ZNF563: variants seen among roughly 807,000 people sequenced by gnomAD.
ZNF563 encodes the protein zinc finger protein 563.
In ZNF563, 39 loss-of-function variants were observed where a neutral mutation model predicts 48.5. The ratio of observed to expected loss-of-function variants is 0.80; its 90% CI spans 0.62 to 1.05. The LOEUF is 1.05. ZNF563 is among the 50% of genes least tolerant of loss of function. The pLI, the probability that ZNF563 is intolerant of heterozygous loss-of-function variation, is 0.00. For missense variants in ZNF563, 538 were observed against 597.0 expected, an observed-to-expected ratio of 0.90 and a Z score of 1.03; for synonymous variants, 168 against 187.9, an observed-to-expected ratio of 0.89 and a Z score of 0.87.
chr19:12,341,128 G>A, the ZNF563 span, among the ~76,000 whole-genome samples: 7,520 of 152,230 alleles, frequency 0.049, 613 homozygotes, highest in African/African-American at 0.17. Flanking sequence ...TTGGCTCACC[G>A]TAGCCTCGAC....
At chr19:12,331,030 C>T (rs111961852) in intron 1 of ZNF563, among the ~76,000 whole-genome samples, 18 of 152,196 alleles carry the variant, frequency 1.2e-4, no homozygotes, top group African/African-American at 4.3e-4. Context: ...ACTACACAGG[C>T]TCTGTGTAGT....
Position 12,319,795 on chromosome 19 carries a change from C to A in ZNF563, c.230G>T (p.Ser77Ile). ...MVERFSESKD[S>I]SQCGETFSLI... ...GCTAAATGTTTCTCCACACTGACTACTGTCTTTACTTTCACTGAATCTCTC... is the reference window on the plus strand; with the variant it reads ...GCTAAATGTTTCTCCACACTGACTAATGTCTTTACTTTCACTGAATCTCTC... The change falls in exon 4 of 4, where the codon AGT becomes ATT. Residue 77 changes from serine (S) to isoleucine (I), a missense_variant. Coordinates refer to ENST00000293725, the MANE Select transcript of ZNF563 (RefSeq NM_145276.3). 2 of 1,613,626 alleles carry A rather than the reference C, an allele frequency of 1.2e-6. No homozygotes were observed. The highest frequency in any genetic ancestry group is 1.7e-5 in the Admixed American group (1 of 60,010).
upstream of ZNF563, among the ~76,000 whole-genome samples, chr19:12,334,045 G>T (rs1030948843): frequency 1.3e-5 from 2 of 152,204 alleles, no homozygotes; most frequent in African/African-American, 4.8e-5. Context: ...GCAGAGGGGA[G>T]CCCAAGGCCA....
chr19:12,336,524 G>A (rs1969022673), upstream of ZNF563, among the ~76,000 whole-genome samples: 2 of 152,208 alleles, frequency 1.3e-5, no homozygotes, highest in African/African-American at 4.8e-5. Flanking sequence ...CCCAGGAGGT[G>A]GAGGTTGTGG....
At chr19:12,331,729 A>C (rs937587353) in intron 1 of ZNF563, among the ~76,000 whole-genome samples, 2 of 151,936 alleles carry the variant, frequency 1.3e-5, no homozygotes, top group African/African-American at 4.8e-5. Flanking sequence ...GATATTCACT[A>C]CCCTCCAAGA....
At chr19:12,335,941 C>T (rs2145823754), upstream of ZNF563, among the ~76,000 whole-genome samples, 1 of 152,308 alleles carries the variant, frequency 6.6e-6, no homozygotes, top group African/African-American at 2.4e-5. Context: ...AATTAATCTG[C>T]CTTCTCTCCA....
At chr19:12,342,919 T>C in the ZNF563 span, among the ~76,000 whole-genome samples, 2 of 152,168 alleles carry the variant, frequency 1.3e-5, no homozygotes, top group East Asian at 3.9e-4. Flanking sequence ...ATTAATTGCC[T>C]GGGTGCGGTG....
At chr19:12,337,161 G>A (rs776854141), upstream of ZNF563, among the ~76,000 whole-genome samples, 3 of 152,120 alleles carry the variant, frequency 2.0e-5, no homozygotes, top group African/African-American at 4.8e-5. Flanking sequence ...GAAAGGATGT[G>A]TGAATAATAT....
the ZNF563 span, among the ~76,000 whole-genome samples, chr19:12,339,984 A>C: frequency 6.6e-6 from 1 of 152,266 alleles, no homozygotes; most frequent in Admixed American, 6.5e-5. Context: ...TAGATTTCTC[A>C]TGAGAAATGT....
chr19:12,324,719 A>AG (rs200474346), intron 1 of ZNF563, among the ~76,000 whole-genome samples: 2,255 of 133,386 alleles, frequency 0.017, 14 homozygotes, highest in Non-Finnish European at 0.027. Context: ...CTCCGTCTCA[A>AG]GAAAAAAAAA....
At position 12,318,176 on chromosome 19, in the gene ZNF563, A is replaced by G. The variant is rs370209220; in HGVS notation, c.*418T>C. 13 of 204,852 alleles carry G rather than the reference A, an allele frequency of 6.3e-5. 1 individual carries two copies. The South Asian group carries it at 9.3e-4, about 15-fold the overall frequency. 12.7% of individuals were successfully genotyped at this position (204,852 alleles called of 1,614,324 possible). On this transcript the variant is annotated 3_prime_UTR_variant, in exon 4 of 4. Coordinates refer to ENST00000293725, the MANE Select transcript of ZNF563 (RefSeq NM_145276.3). ...TACCACCACACCTGCTACTTTTTCT[A>G]TTTTTTGTAGAGACATGGTTTCACC...
intron 1 of ZNF563, among the ~76,000 whole-genome samples, chr19:12,324,720 G>GAAAA (rs61639995): frequency 1.4e-4 from 8 of 56,790 alleles, no homozygotes; most frequent in East Asian, 5.8e-4. Flanking sequence ...TCCGTCTCAA[G>GAAAA]AAAAAAAAAA....
chr19:12,319,791 A>G lies in ZNF563; in HGVS notation c.234T>C (p.Ser78=). The G allele has an allele frequency of 6.2e-7, 1 of 1,613,844 alleles. No individual in the cohort carries two copies. Among genetic ancestry groups the G allele is most frequent in the Non-Finnish European group, 8.5e-7 (1 of 1,179,816 alleles). Residue 78 remains serine (S), a synonymous_variant, in exon 4 of 4, where the codon AGT becomes AGC. Coordinates refer to ENST00000293725, the MANE Select transcript of ZNF563 (RefSeq NM_145276.3). ...TGAGGCTAAATGTTTCTCCACACTG[A>G]CTACTGTCTTTACTTTCACTGAATC... ...VERFSESKDS[S]QCGETFSLIR...
intron 1 of ZNF563, among the ~76,000 whole-genome samples, chr19:12,326,037 C>T (rs577298220): frequency 2.6e-5 from 4 of 152,134 alleles, no homozygotes; most frequent in Admixed American, 6.5e-5. Context: ...TCAATGCACA[C>T]AAAATTAGGA....
At chr19:12,329,317 C>G (rs755470651) in intron 1 of ZNF563, among the ~76,000 whole-genome samples, 1 of 151,854 alleles carries the variant, frequency 6.6e-6, no homozygotes, top group South Asian at 2.1e-4. Context: ...ACTAAAAATA[C>G]AAAAATTAGC....
chr19:12,341,267 G>A, the ZNF563 span, among the ~76,000 whole-genome samples: 1 of 152,114 alleles, frequency 6.6e-6, no homozygotes, highest in Non-Finnish European at 1.5e-5. Flanking sequence ...GCCCAGGCTG[G>A]TCTTAAACTC....
chr19:12,346,691 C>T, the ZNF563 span: 1 of 152,172 alleles, frequency 6.6e-6, no homozygotes, highest in Non-Finnish European at 1.5e-5. Flanking sequence ...ACTGTGGAAA[C>T]AACCCATGTT....
At chr19:12,326,192 G>C (rs1005193072) in intron 1 of ZNF563, among the ~76,000 whole-genome samples, 6 of 152,046 alleles carry the variant, frequency 3.9e-5, no homozygotes, top group Admixed American at 6.6e-5. Flanking sequence ...AATGAGGTGA[G>C]GCAATGATGA....
chr19:12,344,540 C>T, the ZNF563 span, among the ~76,000 whole-genome samples: 1 of 151,894 alleles, frequency 6.6e-6, no homozygotes, highest in African/African-American at 2.4e-5. Flanking sequence ...TTAAAAAATA[C>T]ATTTGATAAA....
Sources: allele counts gnomAD v4.1 joint callset (sites outside exome capture counted in the v4.1 genomes callset), GRCh38; gene constraint gnomAD v4.1.1; transcripts MANE v1.5; gene names NCBI Gene and HGNC (gene_info 2026-07-23, HGNC 2026-07-21).